The following KY variants were observed in gnomAD, a reference collection of about 807,000 sequenced individuals.
KY encodes kyphoscoliosis peptidase.
Under a neutral mutation model 76.1 loss-of-function variants are expected in KY, and 43 were observed. That is an observed-to-expected ratio of 0.57 (90% CI 0.44 to 0.73). The LOEUF (loss-of-function observed/expected upper bound fraction) is 0.73. Ranked by LOEUF, KY falls within the 30% of genes least tolerant of loss-of-function variation. The pLI, the probability that KY is intolerant of heterozygous loss-of-function variation, is 0.00. For synonymous variants in KY, 277 were observed against 326.2 expected, an observed-to-expected ratio of 0.85 and a Z score of 1.63; for missense variants, 722 against 828.9, an observed-to-expected ratio of 0.87 and a Z score of 1.58.
chr3:134,642,052 A>G (rs1178201567), intron 3 of KY, among the ~76,000 whole-genome samples: 6 of 152,124 alleles, frequency 3.9e-5, no homozygotes, highest in African/African-American at 1.2e-4. Flanking sequence ...GGGCCCACAG[A>G]GGTCTCTAAG....
At chr3:134,615,589 A>G (rs1430666637) in intron 8 of KY, among the ~76,000 whole-genome samples, 1 of 150,832 alleles carries the variant, frequency 6.6e-6, no homozygotes, top group Non-Finnish European at 1.5e-5. Flanking sequence ...GGTGGTATAG[A>G]GAGTGAAATG....
intron 8 of KY, among the ~76,000 whole-genome samples, chr3:134,611,237 A>G (rs1157231862): frequency 1.3e-5 from 2 of 152,190 alleles, no homozygotes; most frequent in Admixed American, 6.5e-5. Context: ...TAGAGCTGGC[A>G]CTGCTTTCTG....
intron 2 of KY, 98 bp downstream of exon 2, chr3:134,647,337 G>T: frequency 1.1e-6 from 1 of 947,374 alleles, no homozygotes; most frequent in Non-Finnish European, 1.6e-6. Context: ...TCAGTGGTTA[G>T]ATGTCTAGGG....
chr3:134,630,080 G>C (rs1431966718), intron 3 of KY, among the ~76,000 whole-genome samples: 1 of 152,238 alleles, frequency 6.6e-6, no homozygotes, highest in East Asian at 1.9e-4. Context: ...GTATCATCTA[G>C]ACTGGACTTA....
At chr3:134,645,213 A>G (rs973553052) in intron 2 of KY, among the ~76,000 whole-genome samples, 2 of 152,158 alleles carry the variant, frequency 1.3e-5, no homozygotes, top group African/African-American at 4.8e-5. Flanking sequence ...TGGGCAAGCT[A>G]TTGGGGTGGG....
rs1214579013 is a variant in KY, at chr3:134,602,243, C to T, written c.*1336G>A. Among the ~76,000 whole-genome samples the T allele has an allele frequency of 1.1e-4, 17 of 152,138 alleles. No individual in the cohort carries two copies. On this transcript the variant is annotated 3_prime_UTR_variant, in exon 11 of 11. Transcript: ENST00000423778. ...TGCAGTGGCCATGTGGGGCCTCTCTCGCCTTTCCCTCTTATCTGCCCTCGC... is the reference window on the plus strand; with the variant it reads ...TGCAGTGGCCATGTGGGGCCTCTCTTGCCTTTCCCTCTTATCTGCCCTCGC...
intron 10 of KY, among the ~76,000 whole-genome samples, chr3:134,606,683 A>G (rs1959231018): frequency 6.6e-6 from 1 of 152,112 alleles, no homozygotes; most frequent in Non-Finnish European, 1.5e-5. Context: ...GCCACGTCTT[A>G]GTGCCTGGTT....
rs776075538 is a variant in KY, at chr3:134,604,429, A to T, written c.1136T>A (p.Leu379Gln). The T allele has an allele frequency of 6.2e-7, 1 of 1,613,548 alleles. No individual in the cohort carries two copies. Among genetic ancestry groups the T allele is most frequent in the African/African-American group, 1.3e-5 (1 of 74,928 alleles). Residue 379 changes from leucine (L) to glutamine (Q), a missense_variant, in exon 11 of 11, where the codon CTG becomes CAG. This residue lies in a region of KY where 552 missense variants were observed against 680.9 expected (regional missense o/e 0.81). Transcript: ENST00000423778. Reference sequence around the variant, plus strand: ...CTTGCCATTGAGCATGAACATGAACAGCGTCGGGGCGCAGCTCTCAATGGT... The same window carrying T: ...CTTGCCATTGAGCATGAACATGAACTGCGTCGGGGCGCAGCTCTCAATGGT... Reference protein sequence around the residue: ...TVTIESCAPTLFMFMLNGKQE... With the variant: ...TVTIESCAPTQFMFMLNGKQE...
chr3:134,631,053 C>A (rs928660206), intron 3 of KY, among the ~76,000 whole-genome samples: 1 of 152,078 alleles, frequency 6.6e-6, no homozygotes, highest in African/African-American at 2.4e-5. Flanking sequence ...CCAGTTTGAA[C>A]AATAGAAAAT....
rs1026400199 is a variant in KY, at chr3:134,629,494, C to G, written c.337+127G>C. On this transcript the variant is annotated intron_variant, in intron 4 of 10. Coordinates refer to ENST00000423778, the MANE Select transcript of KY (RefSeq NM_178554.6). ...TAAAGCTGTCATGCTTCTGCCTTTT[C>G]CCAGTTTGCAGGCCCATGTCACTCT... 5 of 676,774 alleles carry G rather than the reference C, an allele frequency of 7.4e-6. No individual in the cohort carries two copies. In the Admixed American group the frequency reaches 7.5e-5, roughly 10 times the overall value. The allele number at this position is 676,774 out of a possible 1,614,324, so 41.9% of individuals were successfully genotyped here. A position where few individuals can be genotyped will look rare whatever the true frequency, so the allele number is the denominator to read the frequency against.
chr3:134,611,354 C>G (rs1428491176), intron 8 of KY, among the ~76,000 whole-genome samples: 1 of 152,156 alleles, frequency 6.6e-6, no homozygotes, highest in Non-Finnish European at 1.5e-5. Context: ...GGCACCAGTC[C>G]AAGGCCAAAG....
chr3:134,629,991 A>T (rs1417199933), intron 3 of KY, among the ~76,000 whole-genome samples: 1 of 152,200 alleles, frequency 6.6e-6, no homozygotes, highest in Non-Finnish European at 1.5e-5. Context: ...TAAATAATAG[A>T]ATAACTGGGG....
intron 2 of KY, among the ~76,000 whole-genome samples, chr3:134,644,761 T>C (rs2108019117): frequency 6.6e-6 from 1 of 152,122 alleles, no homozygotes; most frequent in East Asian, 1.9e-4. Context: ...GGGGGTGAGG[T>C]ACTGAGCCAG....
Position 134,603,818 on chromosome 3 carries a change from C to T in KY, c.1747G>A (p.Glu583Lys). 1.2e-6 allele frequency: 2 copies of T among 1,613,918 alleles called. No individual in the cohort carries two copies. The highest frequency in any genetic ancestry group is 1.7e-6 in the Non-Finnish European group (2 of 1,179,842). The change falls in exon 11 of 11, where the codon GAA (glutamate) becomes AAA (lysine). Residue 583 changes from glutamate (E) to lysine (K), a missense_variant. Transcript: ENST00000423778. ...GCAGGAAGCACACCTGACAGAGGTT[C>T]CAGCAGCTCATTGTCCTGTCCCCAG... ...GNWGQDNELL[E>K]PLSGVLPANR...
chr3:134,635,427 G>A (rs1198074886), intron 3 of KY, among the ~76,000 whole-genome samples: 1 of 149,340 alleles, frequency 6.7e-6, no homozygotes, highest in Non-Finnish European at 1.5e-5. Context: ...GACCTGGGAG[G>A]CGGAGGTTGC....
In KY at chr3:134,645,685, CT is replaced by C. The variant is rs367690245; in HGVS notation, c.199+1749del. ...GCGTCATTTTTTCTGGGCTCAGGGC[CT>C]CTGTGGAGCCTCTGTCCAGCCCTGC... On this transcript the variant is annotated intron_variant, in intron 2 of 10. Transcript: ENST00000423778. Among the ~76,000 whole-genome samples, 49 of 152,274 alleles carry C rather than the reference CT, an allele frequency of 3.2e-4. No homozygotes were observed. The East Asian group carries it at 6.0e-3, about 19-fold the overall frequency.
chr3:134,641,977 G>A (rs1965819974), intron 3 of KY, among the ~76,000 whole-genome samples: 1 of 152,178 alleles, frequency 6.6e-6, no homozygotes, highest in Non-Finnish European at 1.5e-5. Context: ...GTTCATTTTA[G>A]AGAAGCAACA....
intron 9 of KY, among the ~76,000 whole-genome samples, 178 bp from the exon 10 acceptor site, chr3:134,609,017 G>A (rs574902687): frequency 6.6e-6 from 1 of 152,350 alleles, no homozygotes; most frequent in Non-Finnish European, 1.5e-5. Flanking sequence ...AGTCAAGGCA[G>A]GGTCTGAGGT....
At chr3:134,608,466 A>T (rs775525309) in intron 10 of KY, 183 bp downstream of exon 10, 1 of 1,529,964 alleles carries the variant, frequency 6.5e-7, no homozygotes, top group South Asian at 1.2e-5. Context: ...CCCTGCCCTG[A>T]TGGCCTGGGC....
Sources: gnomAD v4.1 joint callset for allele counts (sites outside exome capture counted in the v4.1 genomes callset) on GRCh38, gnomAD v4.1.1 for gene constraint, gnomAD v4.1.1 regional missense constraint, MANE v1.5 for transcripts, NCBI Gene and HGNC (gene_info 2026-07-23, HGNC 2026-07-21) for gene names.